The following SLC44A5 variants were observed in gnomAD, a reference collection of about 807,000 sequenced individuals.
SLC44A5 encodes solute carrier family 44 member 5.
Under a neutral mutation model 101.8 loss-of-function variants are expected in SLC44A5, and 57 were observed. The observed-to-expected ratio is 0.56, with a 90% CI of 0.45 to 0.70. The LOEUF is 0.70. SLC44A5 is among the 30% of genes least tolerant of loss of function. SLC44A5 has a pLI of 0.00. For missense variants in SLC44A5, 737 were observed against 853.1 expected (o/e 0.86, Z 1.70); for synonymous variants, 281 against 290.9 (o/e 0.97, Z 0.35).
At chr1:75,298,473 G>A in intron 5 of SLC44A5, among the ~76,000 whole-genome samples, 1 of 152,032 alleles carries the variant, frequency 6.6e-6, no homozygotes, top group Admixed American at 6.5e-5. Flanking sequence ...GGGGTTCTGG[G>A]AAAAAAAGGC....
At chr1:75,213,884 C>CTT (rs71697809) in intron 21 of SLC44A5, 35 bp downstream of exon 21, 187,639 of 1,421,260 alleles carry the variant, frequency 0.13, 5,885 homozygotes, top group Middle Eastern at 0.16. Context: ...ATCTTTTAAA[C>CTT]TTTTTTTTTT....
Position 75,507,376 on chromosome 1 carries a change from C to A in SLC44A5, c.13+34059G>T, listed in dbSNP as rs149972881. Among the ~76,000 whole-genome samples the A allele has an allele frequency of 4.4e-3, 670 of 152,194 alleles. 1 individual carries two copies. The highest frequency in any genetic ancestry group is 0.016 in the African/African-American group (644 of 41,500). On this transcript the variant is annotated intron_variant, in intron 2 of 23. Coordinates refer to ENST00000370859, the MANE Select transcript of SLC44A5 (RefSeq NM_001130058.2). ...CATTGATTTGCATATGTTGAACTGA[C>A]CTTGCATCCCAGGAATGAAGCCTAC...
At chr1:75,214,561 G>A (rs1466101242) in intron 20 of SLC44A5, 44 bp downstream of exon 20, 1 of 1,494,960 alleles carries the variant, frequency 6.7e-7, no homozygotes, top group Non-Finnish European at 9.3e-7. Context: ...AATGCTCAAG[G>A]TTCACTACAT....
At chr1:75,691,032 C>T in the SLC44A5 span, among the ~76,000 whole-genome samples, 1 of 152,214 alleles carries the variant, frequency 6.6e-6, no homozygotes, top group South Asian at 2.1e-4. Flanking sequence ...GCCCCAAACC[C>T]TGTCAGGTGT....
chr1:75,720,337 A>G, the SLC44A5 span: 1 of 152,350 alleles, frequency 6.6e-6, no homozygotes, highest in East Asian at 1.9e-4. Flanking sequence ...AGGTCTGTAT[A>G]GTCCTGCTTA....
intron 1 of SLC44A5, among the ~76,000 whole-genome samples, chr1:75,561,820 T>C (rs1182417549): frequency 6.6e-6 from 1 of 152,162 alleles, no homozygotes; most frequent in African/African-American, 2.4e-5. Context: ...TATTGTAATT[T>C]ACCATAGAGT....
the SLC44A5 span, among the ~76,000 whole-genome samples, chr1:75,634,182 CTT>C: frequency 6.6e-6 from 1 of 152,084 alleles, no homozygotes; most frequent in East Asian, 1.9e-4. Context: ...CTAAAATTCT[CTT>C]TTTTGGTTGT....
At chr1:75,718,752 T>C in the SLC44A5 span, among the ~76,000 whole-genome samples, 1 of 152,154 alleles carries the variant, frequency 6.6e-6, no homozygotes, top group Non-Finnish European at 1.5e-5. Flanking sequence ...GGCTTGTGGA[T>C]GGCAGTTCCA....
chr1:75,456,873 A>T (rs971262041), intron 2 of SLC44A5, among the ~76,000 whole-genome samples: 1 of 152,252 alleles, frequency 6.6e-6, no homozygotes, highest in South Asian at 2.1e-4. Context: ...GTGTATTTAA[A>T]TAACATCTTC....
At chr1:75,680,969 G>C in the SLC44A5 span, among the ~76,000 whole-genome samples, 1 of 150,292 alleles carries the variant, frequency 6.7e-6, no homozygotes, top group Non-Finnish European at 1.5e-5. Flanking sequence ...TACCATCAGA[G>C]AATACTACAA....
chr1:75,259,679 A>C (rs1650324079), intron 6 of SLC44A5, among the ~76,000 whole-genome samples: 1 of 152,112 alleles, frequency 6.6e-6, no homozygotes, highest in Non-Finnish European at 1.5e-5. Context: ...AATACAGAAA[A>C]CACCACAAAG....
At chr1:75,547,881 A>C (rs906371545) in intron 1 of SLC44A5, among the ~76,000 whole-genome samples, 7 of 152,126 alleles carry the variant, frequency 4.6e-5, no homozygotes, top group African/African-American at 1.7e-4. Context: ...AAAAATCTGT[A>C]AAAGAAACCC....
chr1:75,543,168 C>T (rs997476370), intron 1 of SLC44A5, among the ~76,000 whole-genome samples: 3 of 152,068 alleles, frequency 2.0e-5, no homozygotes, highest in African/African-American at 7.2e-5. Context: ...ATTTTAATGT[C>T]TTATAAATAC....
chr1:75,599,887 T>C (rs1444856060), intron 1 of SLC44A5, among the ~76,000 whole-genome samples: 1 of 152,158 alleles, frequency 6.6e-6, no homozygotes, highest in Middle Eastern at 3.2e-3. Flanking sequence ...TTGGATGGTT[T>C]GCTACAGAAT....
At chr1:75,213,575 TTGGC>T in intron 22 of SLC44A5, 126 bp downstream of exon 22, 1 of 681,016 alleles carries the variant, frequency 1.5e-6, no homozygotes, top group Admixed American at 2.5e-5. Flanking sequence ...AGAAATCAAG[TTGGC>T]TGACACCTTG....
intron 2 of SLC44A5, among the ~76,000 whole-genome samples, chr1:75,426,772 A>G (rs1250805805): frequency 6.6e-6 from 1 of 152,234 alleles, no homozygotes; most frequent in Non-Finnish European, 1.5e-5. Context: ...GAAGCCACTC[A>G]CGACTTTGAA....
rs1648760738 is a variant in SLC44A5 at position 75,242,871 on chromosome 1, C to T, written c.471+15G>A. Reference sequence around the variant, plus strand: ...AGTTAAATTGTTCTCTTGCTTTAAGCTTAAACACACATACCTTCACAGGCT... The same window carrying T: ...AGTTAAATTGTTCTCTTGCTTTAAGTTTAAACACACATACCTTCACAGGCT... On this transcript the variant is annotated intron_variant, in intron 8 of 23. Transcript: ENST00000370859. 1 of 1,571,214 alleles carries T rather than the reference C, an allele frequency of 6.4e-7. No homozygotes were observed. The highest frequency in any genetic ancestry group is 8.6e-7 in the Non-Finnish European group (1 of 1,162,924).
chr1:75,354,130 G>C (rs113852082), intron 3 of SLC44A5: 3 of 211,512 alleles, frequency 1.4e-5, no homozygotes, highest in African/African-American at 4.7e-5. Context: ...CAGGTTATAT[G>C]TGTGGAATCA....
chr1:75,537,034 A>AAAAAAAAAATATATATG (rs1553199990), intron 2 of SLC44A5, among the ~76,000 whole-genome samples: 1 of 18,648 alleles, frequency 5.4e-5, no homozygotes, highest in African/African-American at 1.0e-4. Context: ...AAAAAAAAAA[A>AAAAAAAAAATATATATG]TATATATCTA....
Sources: allele counts gnomAD v4.1 joint callset (sites outside exome capture counted in the v4.1 genomes callset), GRCh38; gene constraint gnomAD v4.1.1; transcripts MANE v1.5; gene names NCBI Gene and HGNC (gene_info 2026-07-23, HGNC 2026-07-21).